The following PROM1 variants were observed in gnomAD, a reference collection of about 807,000 sequenced individuals.
PROM1 encodes prominin 1, also known as prominin-1.
A neutral mutation model predicts 116.9 loss-of-function variants in PROM1; 105 were observed. The observed-to-expected ratio is 0.90, with a 90% CI of 0.77 to 1.06. PROM1 has a LOEUF of 1.06. Among genes scored for constraint, PROM1 ranks in the 50% least tolerant of loss-of-function variants. The pLI, the probability that PROM1 is intolerant of heterozygous loss-of-function variation, is 0.00. For missense variants in PROM1, 1,122 were observed against 1,045.2 expected, an observed-to-expected ratio of 1.07 and a Z score of -1.01; for synonymous variants, 393 against 387.0, an observed-to-expected ratio of 1.02 and a Z score of -0.18.
intron 2 of PROM1, among the ~76,000 whole-genome samples, chr4:16,072,550 T>C (rs977529259): frequency 6.6e-6 from 1 of 152,270 alleles, no homozygotes; most frequent in Non-Finnish European, 1.5e-5. Context: ...TTCCTGGCCA[T>C]AGGCCCAGCT....
At chr4:15,992,906 G>T (rs113852579) in intron 16 of PROM1, among the ~76,000 whole-genome samples, 2 of 152,320 alleles carry the variant, frequency 1.3e-5, no homozygotes, top group African/African-American at 4.8e-5. Context: ...AAAGATTATG[G>T]AAACACGGTT....
Position 16,013,413 on chromosome 4 carries a change from C to T in PROM1, c.1078-75G>A, listed in dbSNP as rs1002542002. ...AGTTGACTAGTCACTCATTTTGCAA[C>T]TCAGTACGAGTAGAGAGGCAAAATA... On this transcript the variant is annotated intron_variant, in intron 10 of 27. Coordinates refer to ENST00000447510, the MANE Select transcript of PROM1 (RefSeq NM_006017.3). The T allele has an allele frequency of 5.8e-6, 6 of 1,030,098 alleles. No homozygotes were observed. The African/African-American group carries it at 9.4e-5, about 16-fold the overall frequency. The allele number at this position is 1,030,098 out of a possible 1,614,324, so 63.8% of individuals were successfully genotyped here.
At chr4:16,027,463 C>A in intron 5 of PROM1, among the ~76,000 whole-genome samples, 1 of 152,098 alleles carries the variant, frequency 6.6e-6, no homozygotes, top group Admixed American at 6.5e-5. Context: ...CCAGCATGCC[C>A]AGATTATTTT....
Position 16,009,053 on chromosome 4 carries a change from A to C in PROM1, c.1197T>G (p.Arg399=). 1.2e-6 allele frequency: 2 copies of C among 1,609,650 alleles called. No homozygotes were observed. The highest frequency in any genetic ancestry group is 1.7e-6 in the Non-Finnish European group (2 of 1,176,164). ...CTGAGAGTATATCCTGAATAGGAAG[A>C]CGCTGAGTTACATTGTCGATATCTG... The part of the protein sequence containing the change: ...IGSDIDNVTQ[R]LPIQDILSAF... The change falls in exon 12 of 28, where the codon CGT becomes CGG. Residue 399 remains arginine (R), a synonymous_variant. Coordinates refer to ENST00000447510, the MANE Select transcript of PROM1 (RefSeq NM_006017.3).
chr4:16,052,132 A>G (rs1388673201), intron 2 of PROM1, among the ~76,000 whole-genome samples: 2 of 152,174 alleles, frequency 1.3e-5, no homozygotes, highest in African/African-American at 4.8e-5. Flanking sequence ...TGGAGATGAA[A>G]AGGAATGCTT....
intron 5 of PROM1, among the ~76,000 whole-genome samples, chr4:16,026,131 A>G (rs757659149): frequency 2.0e-5 from 3 of 152,228 alleles, no homozygotes; most frequent in Admixed American, 6.5e-5. Context: ...CAAAAACGCC[A>G]TATGAAAGGC....
At chr4:16,023,615 C>A (rs1730469154) in intron 7 of PROM1, among the ~76,000 whole-genome samples, 200 bp from the exon 8 acceptor site, 1 of 152,156 alleles carries the variant, frequency 6.6e-6, no homozygotes, top group Non-Finnish European at 1.5e-5. Context: ...AAAAATTAAT[C>A]ACTACAGACT....
chr4:15,986,010 G>T lies in PROM1; in HGVS notation c.2158C>A (p.Leu720Met). The T allele has an allele frequency of 6.3e-7, 1 of 1,580,972 alleles. No homozygotes were observed. The highest frequency in any genetic ancestry group is 8.6e-7 in the Non-Finnish European group (1 of 1,157,780). The change falls in exon 21 of 28, where the codon CTG becomes ATG. Residue 720 changes from leucine (L) to methionine (M), a missense_variant. Transcript: ENST00000447510. The stretch of plus-strand genomic sequence containing the variant: ...GTGATGAAGTTCTGAGCAAAATCCA[G>T]AGAAGCTAGAATCCTAGTTACTCTC... ...LERVTRILAS[L>M]DFAQNFITNN...
chr4:15,999,285 C>T (rs575610947), intron 14 of PROM1, among the ~76,000 whole-genome samples: 1 of 151,982 alleles, frequency 6.6e-6, no homozygotes, highest in East Asian at 2.0e-4. Context: ...TCCTGGCTAA[C>T]GTGGTGAAAC....
At chr4:15,986,635 C>G (rs1043763508) in intron 20 of PROM1, among the ~76,000 whole-genome samples, 16 of 152,220 alleles carry the variant, frequency 1.1e-4, no homozygotes, top group Non-Finnish European at 1.9e-4. Context: ...ACTGCACACC[C>G]TCGCCCTGTT....
intron 5 of PROM1, among the ~76,000 whole-genome samples, chr4:16,027,678 A>G (rs1731664585): frequency 6.6e-6 from 1 of 152,086 alleles, no homozygotes; most frequent in African/African-American, 2.4e-5. Flanking sequence ...CTTTATTCTT[A>G]TCTATGTTTA....
chr4:16,047,914 C>T (rs1008559759), intron 2 of PROM1, among the ~76,000 whole-genome samples: 1 of 152,124 alleles, frequency 6.6e-6, no homozygotes, highest in Non-Finnish European at 1.5e-5. Flanking sequence ...ATCTTGAATG[C>T]GGATCCTTAA....
chr4:15,996,245 C>T (rs1722292049), intron 15 of PROM1, among the ~76,000 whole-genome samples: 1 of 152,222 alleles, frequency 6.6e-6, no homozygotes, highest in Non-Finnish European at 1.5e-5. Context: ...GCTTGGGGCT[C>T]ACGCCTGTAA....
intron 23 of PROM1, among the ~76,000 whole-genome samples, chr4:15,980,969 A>ATTTATTTG (rs1460830706): frequency 1.3e-5 from 2 of 150,770 alleles, no homozygotes; most frequent in East Asian, 3.9e-4. Flanking sequence ...TTATTTATTT[A>ATTTATTTG]TTTATTATTT....
At chr4:15,987,388 G>A (rs1406788011) in intron 20 of PROM1, among the ~76,000 whole-genome samples, 1 of 152,168 alleles carries the variant, frequency 6.6e-6, no homozygotes, top group African/African-American at 2.4e-5. Context: ...CATTATCTCT[G>A]TGAAAGGGAC....
intron 2 of PROM1, among the ~76,000 whole-genome samples, chr4:16,039,839 T>G (rs377720113): frequency 6.6e-6 from 1 of 152,218 alleles, no homozygotes; most frequent in Non-Finnish European, 1.5e-5. Context: ...AATACTCATT[T>G]AGAGTATTTG....
Position 15,992,274 on chromosome 4 carries a change from TTCTG to T in PROM1, c.1881_1884del (p.Asp627GlufsTer2), listed in dbSNP as rs760702539. 1.9e-6 allele frequency: 3 copies of T among 1,613,982 alleles called. No homozygotes were observed. Among genetic ancestry groups the T allele is most frequent in the East Asian group, 2.2e-5 (1 of 44,872 alleles). On this transcript the variant is annotated frameshift_variant, in exon 17 of 28. Coordinates refer to ENST00000447510, the MANE Select transcript of PROM1 (RefSeq NM_006017.3). LOFTEE classifies it high-confidence loss of function. ...TGAGCCAAGTAGCTGTCATAATTCA[TTCTG>T]TCTATTCCACAAGCAGCAAAATCCT...
intron 20 of PROM1, among the ~76,000 whole-genome samples, chr4:15,986,302 G>T (rs28595200): frequency 0.03 from 4,543 of 152,238 alleles, 200 homozygotes; most frequent in East Asian, 0.11. Flanking sequence ...CAACGAGGCA[G>T]GAAGGAAGGT....
rs938212065 is a variant in PROM1, at chr4:16,055,490, C to A, written c.221-16489G>T. ...AGGGAATTGAATAATTATTTCTGAT[C>A]GGAAGATCTCCCCAAACTCACAAAT... On this transcript the variant is annotated intron_variant, in intron 2 of 27. Transcript: ENST00000447510. 4 of 454,064 alleles carry A rather than the reference C, an allele frequency of 8.8e-6. No individual in the cohort carries two copies. In the East Asian group the frequency reaches 2.8e-4, roughly 32 times the overall value. The allele number at this position is 454,064 out of a possible 1,614,324, so 28.1% of individuals were successfully genotyped here. A position where few individuals can be genotyped will look rare whatever the true frequency, so the allele number is the denominator to read the frequency against.
Sources: gnomAD v4.1 joint callset for allele counts (sites outside exome capture counted in the v4.1 genomes callset) on GRCh38, gnomAD v4.1.1 for gene constraint, MANE v1.5 for transcripts, NCBI Gene and HGNC (gene_info 2026-07-23, HGNC 2026-07-21) for gene names.